The following GRHPR variants were observed in gnomAD, a reference collection of about 807,000 sequenced individuals.
GRHPR encodes the protein glyoxylate and hydroxypyruvate reductase, also known as glyoxylate reductase/hydroxypyruvate reductase.
GRHPR carries 35 observed loss-of-function variants against 36.8 expected under a neutral mutation model. The ratio of observed to expected loss-of-function variants is 0.95; its 90% CI spans 0.73 to 1.26. The LOEUF (loss-of-function observed/expected upper bound fraction) is 1.26, where lower values mean the gene tolerates loss of function less well. Among genes scored for constraint, GRHPR ranks in the 50% most tolerant of loss-of-function variants. The pLI is 0.00. For missense variants in GRHPR, 380 were observed against 435.0 expected (o/e 0.87, Z 1.12); for synonymous variants, 179 against 181.0 (o/e 0.99, Z 0.09).
At position 37,429,781 on chromosome 9, in the gene GRHPR, G is replaced by C. The variant is rs370395134; in HGVS notation, c.543G>C (p.Leu181=). ...RLKPFGVQRF[L]YTGRQPRPEE... is the part of the protein sequence containing the mutation. ...AACCATTCGGTGTCCAGAGATTTCT[G>C]TACACAGGGCGCCAGCCCAGGCCTG... is the stretch of plus-strand genomic sequence containing the variant. Residue 181 remains leucine (L), a synonymous_variant, in exon 6 of 9, where the codon CTG becomes CTC. Transcript: ENST00000318158. 17 of 1,613,532 alleles carry C rather than the reference G, an allele frequency of 1.1e-5. No individual in the cohort carries two copies. In the African/African-American group the frequency reaches 2.1e-4, roughly 20 times the overall value.
chr9:37,431,662 C>A (rs972078533), intron 7 of GRHPR: 1 of 324,538 alleles, frequency 3.1e-6, no homozygotes, highest in Admixed American at 4.3e-5. Flanking sequence ...CCCTTCTGGG[C>A]CCTGTTCATG....
chr9:37,428,522 GC>G lies in GRHPR; in HGVS notation c.444del (p.Tyr149MetfsTer16). 1 of 1,612,602 alleles carries G rather than the reference GC, an allele frequency of 6.2e-7. No individual in the cohort carries two copies. Among genetic ancestry groups the G allele is most frequent in the Non-Finnish European group, 8.5e-7 (1 of 1,179,582 alleles). ...WTSWKPLWLC[G>X]YGLTQSTVGI... ...TCGTGGAAGCCCCTCTGGCTGTGTG[GC>G]TATGGACTCACGCAGAGCACTGTCG... On this transcript the variant is annotated frameshift_variant, in exon 5 of 9. Coordinates refer to ENST00000318158, the MANE Select transcript of GRHPR (RefSeq NM_012203.2). LOFTEE classifies it high-confidence loss of function.
chr9:37,437,447 CAG>C (rs1229986835), downstream of GRHPR, among the ~76,000 whole-genome samples: 2 of 152,216 alleles, frequency 1.3e-5, no homozygotes, highest in South Asian at 2.1e-4. Context: ...ACGGGACAAA[CAG>C]AACCCAGTTG....
At chr9:37,426,465 T>C in intron 3 of GRHPR, 73 bp from the exon 4 acceptor site, 1 of 1,004,418 alleles carries the variant, frequency 1.0e-6, no homozygotes, top group Non-Finnish European at 1.6e-6. Context: ...AGTAACTCCA[T>C]GGAAATGTCC....
rs762394097 is a variant in GRHPR, at chr9:37,430,497, C to T, written c.599-14C>T. 9 of 1,612,672 alleles carry T rather than the reference C, an allele frequency of 5.6e-6. No individual in the cohort carries two copies. The highest frequency in any genetic ancestry group is 2.2e-5 in the East Asian group (1 of 44,892). On this transcript the variant is annotated splice_polypyrimidine_tract_variant and intron_variant, in intron 6 of 8. Coordinates refer to ENST00000318158, the MANE Select transcript of GRHPR (RefSeq NM_012203.2). ...CTGGGACTCAGTGCCTGATGGAGTC[C>T]TGCCCTCCCTCAGTGTCTACCCCTG...
downstream of GRHPR, chr9:37,437,002 C>G (rs989898980): frequency 4.0e-6 from 2 of 504,962 alleles, no homozygotes; most frequent in African/African-American, 3.9e-5. Context: ...ACCGTCTTGG[C>G]CTGTAAATGG....
intron 7 of GRHPR, 191 bp downstream of exon 7, chr9:37,430,837 G>C (rs557518998): frequency 1.4e-6 from 1 of 690,562 alleles, no homozygotes; most frequent in Non-Finnish European, 2.7e-6. Flanking sequence ...AGAGCCGTCA[G>C]AGTGGGCCTG....
At position 37,430,975 on chromosome 9, in the gene GRHPR, G is replaced by A. The variant is rs374035819; in HGVS notation, c.734+329G>A. Reference sequence around the variant, plus strand: ...TCCACCACAAAGGGCTGGACTTGAGGATCTGAAGGGCCCTCTGGAGGCCGC... The same window carrying A: ...TCCACCACAAAGGGCTGGACTTGAGAATCTGAAGGGCCCTCTGGAGGCCGC... On this transcript the variant is annotated intron_variant, in intron 7 of 8. Coordinates refer to ENST00000318158, the MANE Select transcript of GRHPR (RefSeq NM_012203.2). 1.4e-4 allele frequency: 69 copies of A among 499,710 alleles called. No individual in the cohort carries two copies. The East Asian group carries it at 2.7e-3, about 20-fold the overall frequency. 31.0% of individuals were successfully genotyped at this position (499,710 alleles called of 1,614,324 possible). A position where few individuals can be genotyped will look rare whatever the true frequency, so the allele number is the denominator to read the frequency against.
At chr9:37,433,425 G>A (rs372548665) in intron 8 of GRHPR, among the ~76,000 whole-genome samples, 16 of 152,156 alleles carry the variant, frequency 1.1e-4, no homozygotes, top group East Asian at 5.8e-4. Context: ...GTAGAGATGG[G>A]GTTTGTCCAT....
intron 3 of GRHPR, 85 bp downstream of exon 3, chr9:37,426,079 A>C (rs1823062876): frequency 1.1e-6 from 1 of 928,310 alleles, no homozygotes; most frequent in Admixed American, 1.7e-5. Flanking sequence ...TTTTTACTGC[A>C]TATCCCTCGG....
chr9:37,430,553 T>C lies in GRHPR; in HGVS notation c.641T>C (p.Val214Ala). The change falls in exon 7 of 9, where the codon GTG becomes GCG. Residue 214 changes from valine (V) to alanine (A), a missense_variant. Val to Ala is a moderately conservative substitution (Grantham distance 64). Coordinates refer to ENST00000318158, the MANE Select transcript of GRHPR (RefSeq NM_012203.2). ...GCTGCCCAATCTGATTTCATCGTCG[T>C]GGCCTGCTCCTTAACACCTGCAACC... ...ELAAQSDFIV[V>A]ACSLTPATEG... The C allele has an allele frequency of 6.2e-7, 1 of 1,613,756 alleles. No individual in the cohort carries two copies. The highest frequency in any genetic ancestry group is 8.5e-7 in the Non-Finnish European group (1 of 1,179,634).
intron 7 of GRHPR, 77 bp downstream of exon 7, chr9:37,430,723 C>A (rs763806805): frequency 4.2e-6 from 6 of 1,415,588 alleles, no homozygotes; most frequent in Non-Finnish European, 6.0e-6. Context: ...TTTTCTTCCC[C>A]GTGGGTTGTT....
Position 37,425,902 on chromosome 9 carries a change from A to G in GRHPR, c.215-20A>G, listed in dbSNP as rs990176591. 3 of 1,581,556 alleles carry G rather than the reference A, an allele frequency of 1.9e-6. No individual in the cohort carries two copies. Among genetic ancestry groups the G allele is most frequent in the South Asian group, 1.1e-5 (1 of 90,458 alleles). ...AGTTCCTCGAGGAAAGATACTAACA[A>G]TGCACTTTCTGCACAACAGGGGCCA... On this transcript the variant is annotated intron_variant, in intron 2 of 8. Transcript: ENST00000318158.
At chr9:37,424,133 T>C (rs1822966849) in intron 1 of GRHPR, among the ~76,000 whole-genome samples, 1 of 152,222 alleles carries the variant, frequency 6.6e-6, no homozygotes, top group African/African-American at 2.4e-5. Flanking sequence ...GGACCCACTT[T>C]GTACTGAGCA....
rs963148629 is a variant in GRHPR, at chr9:37,431,154, C to T, written c.734+508C>T. ...CAGGCCACTGGGCATGTATGGAGGTCAGACCTTCCTTCTCTGCCACTCCAA... is the reference window on the plus strand; with the variant it reads ...CAGGCCACTGGGCATGTATGGAGGTTAGACCTTCCTTCTCTGCCACTCCAA... On this transcript the variant is annotated intron_variant, in intron 7 of 8. Transcript: ENST00000318158. The T allele has an allele frequency of 3.9e-4, 156 of 399,588 alleles. 1 individual carries two copies. The highest frequency in any genetic ancestry group is 6.2e-4 in the Non-Finnish European group (121 of 193,940). The allele number at this position is 399,588 out of a possible 1,614,324, so 24.8% of individuals were successfully genotyped here.
intron 7 of GRHPR, chr9:37,430,949 C>T: frequency 1.9e-6 from 1 of 530,352 alleles, no homozygotes; most frequent in Non-Finnish European, 3.8e-6. Flanking sequence ...GCCCATTATC[C>T]TCCACCACAA....
At position 37,426,537 on chromosome 9, in the gene GRHPR, G is replaced by C. The variant is rs1244240617; in HGVS notation, c.288-1G>C. ...GTTACCACCAGATGTCTGATTCGTAGTGGGATCCGAGTTGGCTACACCCCA... is the reference window on the plus strand; with the variant it reads ...GTTACCACCAGATGTCTGATTCGTACTGGGATCCGAGTTGGCTACACCCCA... On this transcript the variant is annotated splice_acceptor_variant, in intron 3 of 8. Coordinates refer to ENST00000318158, the MANE Select transcript of GRHPR (RefSeq NM_012203.2). LOFTEE classifies it high-confidence loss of function. The C allele has an allele frequency of 6.3e-7, 1 of 1,589,476 alleles. No individual in the cohort carries two copies. Among genetic ancestry groups the C allele is most frequent in the South Asian group, 1.1e-5 (1 of 90,536 alleles).
intron 7 of GRHPR, 67 bp from the exon 8 acceptor site, chr9:37,431,941 T>C: frequency 2.5e-6 from 4 of 1,570,512 alleles, no homozygotes; most frequent in Non-Finnish European, 3.5e-6. Flanking sequence ...CTGTAGGTTG[T>C]TCTGCCTCAA....
chr9:37,428,706 T>TG, intron 5 of GRHPR, 134 bp downstream of exon 5: 1 of 729,554 alleles, frequency 1.4e-6, no homozygotes, highest in Non-Finnish European at 2.5e-6. Flanking sequence ...ATATCTCTAA[T>TG]GAGGGATACA....
Sources: allele counts gnomAD v4.1 joint callset (sites outside exome capture counted in the v4.1 genomes callset), GRCh38; gene constraint gnomAD v4.1.1; transcripts MANE v1.5; gene names NCBI Gene and HGNC (gene_info 2026-07-23, HGNC 2026-07-21).